STAG1: variants seen among roughly 807,000 people sequenced by gnomAD.
STAG1 encodes STAG1 cohesin complex component, also known as cohesin subunit SA-1.
In STAG1, 26 loss-of-function variants were observed where a neutral mutation model predicts 170.9. The ratio of observed to expected loss-of-function variants is 0.15; its 90% confidence interval spans 0.11 to 0.21. STAG1 has a LOEUF of 0.21. Ranked by LOEUF, STAG1 falls within the 10% of genes least tolerant of loss-of-function variation. The pLI is 1.00. For synonymous variants in STAG1, 514 were observed against 497.7 expected (o/e 1.03, Z -0.44); for missense variants, 964 against 1,509.5 (o/e 0.64, Z 5.99).
At chr3:136,542,394 T>C (rs534185194) in intron 5 of STAG1, among the ~76,000 whole-genome samples, 199 bp from the exon 6 acceptor site, 14 of 152,176 alleles carry the variant, frequency 9.2e-5, no homozygotes, top group Non-Finnish European at 4.4e-5. Flanking sequence ...GGAAGAATTT[T>C]GAAATTGCCG....
At chr3:136,720,721 G>A (rs1384268906) in intron 1 of STAG1, among the ~76,000 whole-genome samples, 2 of 152,060 alleles carry the variant, frequency 1.3e-5, no homozygotes, top group Non-Finnish European at 2.9e-5. Context: ...CTCAGGAGGC[G>A]GAGGTTGCAG....
chr3:136,734,541 T>G (rs1298364197), intron 1 of STAG1, among the ~76,000 whole-genome samples: 2 of 152,180 alleles, frequency 1.3e-5, no homozygotes, highest in African/African-American at 4.8e-5. Context: ...CTGACCTATG[T>G]TTGTCATTTC....
chr3:136,724,876 C>T (rs970316202), intron 1 of STAG1, among the ~76,000 whole-genome samples: 1 of 151,960 alleles, frequency 6.6e-6, no homozygotes, highest in African/African-American at 2.4e-5. Context: ...TACCAGAGAG[C>T]TCTATAAGGC....
intron 16 of STAG1, among the ~76,000 whole-genome samples, chr3:136,433,100 G>T (rs1047720191): frequency 6.6e-6 from 1 of 151,862 alleles, no homozygotes; most frequent in South Asian, 2.1e-4. Flanking sequence ...ACAGAGCCAG[G>T]AGTCTCTCCA....
chr3:136,707,425 C>G (rs1221896783), intron 1 of STAG1, among the ~76,000 whole-genome samples: 1 of 152,042 alleles, frequency 6.6e-6, no homozygotes, highest in Non-Finnish European at 1.5e-5. Flanking sequence ...GGCCAACAAG[C>G]ACATGAAAAA....
At chr3:136,547,610 C>T (rs1269110325) in intron 5 of STAG1, among the ~76,000 whole-genome samples, 1 of 152,168 alleles carries the variant, frequency 6.6e-6, no homozygotes, top group African/African-American at 2.4e-5. Flanking sequence ...CTGTGGCTGG[C>T]TTATTTCATT....
At chr3:136,504,695 C>G (rs1471766441) in intron 7 of STAG1, among the ~76,000 whole-genome samples, 1 of 152,122 alleles carries the variant, frequency 6.6e-6, no homozygotes, top group Non-Finnish European at 1.5e-5. Flanking sequence ...ATACCTAACG[C>G]AAAATGACTT....
At chr3:136,737,426 A>G (rs1934404493) in intron 1 of STAG1, among the ~76,000 whole-genome samples, 1 of 151,782 alleles carries the variant, frequency 6.6e-6, no homozygotes, top group Admixed American at 6.6e-5. Flanking sequence ...TAGTAGAGAC[A>G]GGGGTTTCGC....
At chr3:136,632,441 T>C (rs1002027818) in intron 1 of STAG1, among the ~76,000 whole-genome samples, 1 of 152,156 alleles carries the variant, frequency 6.6e-6, no homozygotes, top group South Asian at 2.1e-4. Flanking sequence ...GATCAAACTC[T>C]TGGTGCAACT....
chr3:136,407,108 C>T (rs2107705879), intron 21 of STAG1, among the ~76,000 whole-genome samples: 1 of 152,304 alleles, frequency 6.6e-6, no homozygotes, highest in East Asian at 1.9e-4. Context: ...CTCACTGCAA[C>T]CTCGGCCTCT....
intron 13 of STAG1, among the ~76,000 whole-genome samples, chr3:136,452,432 C>T (rs1477092145): frequency 5.3e-5 from 8 of 151,486 alleles, no homozygotes; most frequent in African/African-American, 1.9e-4. Flanking sequence ...GGCATGGTGG[C>T]GGGCACCTGT....
chr3:136,413,486 T>G (rs1374097053), intron 21 of STAG1, among the ~76,000 whole-genome samples: 1 of 151,856 alleles, frequency 6.6e-6, no homozygotes, highest in Non-Finnish European at 1.5e-5. Context: ...GAGATGGAGT[T>G]TTGCTCTTGT....
chr3:136,700,392 G>C (rs917974809), intron 1 of STAG1, among the ~76,000 whole-genome samples: 1 of 150,140 alleles, frequency 6.7e-6, no homozygotes, highest in Non-Finnish European at 1.5e-5. Flanking sequence ...TCTGTTAAAT[G>C]AACATATACA....
intron 6 of STAG1, among the ~76,000 whole-genome samples, chr3:136,526,508 C>T (rs868238772): frequency 2.6e-5 from 4 of 152,258 alleles, no homozygotes; most frequent in Non-Finnish European, 4.4e-5. Flanking sequence ...TGAGATGGGT[C>T]TCCTGAATAC....
chr3:136,462,330 T>C (rs974299953), intron 13 of STAG1, among the ~76,000 whole-genome samples: 1 of 152,106 alleles, frequency 6.6e-6, no homozygotes, highest in Non-Finnish European at 1.5e-5. Flanking sequence ...ACAAATGTGG[T>C]ATATATACAC....
At chr3:136,673,146 G>A (rs1294847116) in intron 1 of STAG1, among the ~76,000 whole-genome samples, 1 of 152,178 alleles carries the variant, frequency 6.6e-6, no homozygotes, top group African/African-American at 2.4e-5. Flanking sequence ...CAAAGAAATA[G>A]GGTAAACCTG....
At chr3:136,516,848 T>C (rs1388602901) in intron 7 of STAG1, among the ~76,000 whole-genome samples, 1 of 152,192 alleles carries the variant, frequency 6.6e-6, no homozygotes, top group Non-Finnish European at 1.5e-5. Context: ...TAAGGACTTG[T>C]CCAAGGTTAT....
intron 16 of STAG1, among the ~76,000 whole-genome samples, chr3:136,428,492 A>G (rs1039850881): frequency 7.2e-5 from 11 of 152,208 alleles, no homozygotes; most frequent in Non-Finnish European, 1.2e-4. Context: ...ACTTGCTCCT[A>G]AACACAGTAT....
At chr3:136,669,790 CTA>C in intron 1 of STAG1, among the ~76,000 whole-genome samples, 1 of 152,276 alleles carries the variant, frequency 6.6e-6, no homozygotes, top group African/African-American at 2.4e-5. Flanking sequence ...AACTTCAGAG[CTA>C]TATTGCTGCA....
Sources: allele counts gnomAD v4.1 joint callset (sites outside exome capture counted in the v4.1 genomes callset), GRCh38; gene constraint gnomAD v4.1.1; transcripts MANE v1.5; gene names NCBI Gene and HGNC (gene_info 2026-07-23, HGNC 2026-07-21).